The following ELMO1 variants were observed in gnomAD, a reference collection of about 807,000 sequenced individuals.
ELMO1 encodes engulfment and cell motility 1, also known as engulfment and cell motility protein 1.
ELMO1 carries 26 observed loss-of-function variants against 98.9 expected under a neutral mutation model. The observed-to-expected ratio is 0.26, with a 90% CI of 0.19 to 0.36. ELMO1 has a LOEUF of 0.36. Among genes scored for constraint, ELMO1 ranks in the 10% least tolerant of loss-of-function variants. ELMO1 has a pLI of 1.00. For missense variants in ELMO1, 627 were observed against 935.2 expected, an observed-to-expected ratio of 0.67 and a Z score of 4.30; for synonymous variants, 346 against 346.0, an observed-to-expected ratio of 1.00 and a Z score of 0.00.
intron 14 of ELMO1, among the ~76,000 whole-genome samples, chr7:37,117,767 A>T (rs1785702386): frequency 6.6e-6 from 1 of 152,210 alleles, no homozygotes; most frequent in Admixed American, 6.5e-5. Context: ...GAAAAAAGTA[A>T]ATGAATTATG....
intron 16 of ELMO1, among the ~76,000 whole-genome samples, chr7:36,977,792 A>G (rs943318974): frequency 1.3e-4 from 20 of 152,124 alleles, no homozygotes; most frequent in Admixed American, 5.2e-4. Flanking sequence ...TTTTCAAACA[A>G]CTCTTACAAG....
intron 13 of ELMO1, among the ~76,000 whole-genome samples, chr7:37,154,167 C>T (rs765663630): frequency 8.5e-5 from 13 of 152,214 alleles, no homozygotes; most frequent in Non-Finnish European, 1.5e-4. Context: ...AGGTCACCAA[C>T]GTCAAAGACC....
intron 16 of ELMO1, among the ~76,000 whole-genome samples, chr7:36,915,822 T>C (rs893766785): frequency 2.6e-5 from 4 of 152,062 alleles, no homozygotes; most frequent in African/African-American, 9.7e-5. Context: ...AGGTGAGCAT[T>C]GGAAAAGATG....
intron 1 of ELMO1, among the ~76,000 whole-genome samples, chr7:37,364,966 C>T (rs2131338262): frequency 6.6e-6 from 1 of 152,312 alleles, no homozygotes; most frequent in Non-Finnish European, 1.5e-5. Context: ...ACTGTCATAA[C>T]TTGAAAGGTT....
In ELMO1 at chr7:36,870,396, G is replaced by A; in HGVS notation, c.1902C>T (p.Asn634=). The part of the protein sequence containing the change: ...HMKEKGALKQ[N]KEVLELAFSI... ...TGCAATAATTTGGAAATCATACCTT[G>A]TTTTGTTTAAGGGCACCTTTCTCTT... The change falls in exon 20 of 22, where the codon AAC becomes AAT. Residue 634 remains asparagine, a synonymous_variant. Coordinates refer to ENST00000310758, the MANE Select transcript of ELMO1 (RefSeq NM_014800.11). This position sits in a 1 kb window ranked among gnomAD's most constrained non-coding sequence, Gnocchi z 4.4. 1 of 1,614,008 alleles carries A rather than the reference G, an allele frequency of 6.2e-7. No individual in the cohort carries two copies. The highest frequency in any genetic ancestry group is 8.5e-7 in the Non-Finnish European group (1 of 1,179,956).
intron 2 of ELMO1, among the ~76,000 whole-genome samples, chr7:37,325,916 T>C (rs1361404670): frequency 6.6e-6 from 1 of 152,188 alleles, no homozygotes; most frequent in Non-Finnish European, 1.5e-5. Flanking sequence ...TGACATTGTG[T>C]CAATGACACC....
At chr7:37,204,587 G>T (rs950860362) in intron 13 of ELMO1, among the ~76,000 whole-genome samples, 15 of 152,204 alleles carry the variant, frequency 9.9e-5, no homozygotes, top group African/African-American at 3.6e-4. Context: ...GACCCAAAGG[G>T]GTTGCCGCTG....
chr7:37,305,662 T>C (rs549469722), intron 4 of ELMO1, among the ~76,000 whole-genome samples: 3 of 152,330 alleles, frequency 2.0e-5, no homozygotes, highest in East Asian at 1.9e-4. Context: ...ACATCATACA[T>C]AATTTATTAA....
intron 15 of ELMO1, among the ~76,000 whole-genome samples, chr7:37,039,020 G>A (rs1795348027): frequency 6.6e-6 from 1 of 152,108 alleles, no homozygotes; most frequent in African/African-American, 2.4e-5. Context: ...ACATTTGGAG[G>A]GAGGACACAC....
intron 16 of ELMO1, among the ~76,000 whole-genome samples, chr7:36,977,492 T>G (rs114111452): frequency 0.011 from 1,656 of 152,336 alleles, 27 homozygotes; most frequent in African/African-American, 0.038. Context: ...TTCATATCCA[T>G]TGCCATTTAT....
At chr7:36,965,611 T>C (rs1363524051) in intron 16 of ELMO1, among the ~76,000 whole-genome samples, 1 of 152,146 alleles carries the variant, frequency 6.6e-6, no homozygotes, top group African/African-American at 2.4e-5. Flanking sequence ...TGAAAAGCAA[T>C]GATCAACATA....
chr7:37,394,267 A>G (rs1182705207), intron 1 of ELMO1, among the ~76,000 whole-genome samples: 1 of 152,188 alleles, frequency 6.6e-6, no homozygotes. Context: ...TCCAGCACCA[A>G]GGAGCAGCTC....
At chr7:37,175,455 C>G (rs1015776568) in intron 13 of ELMO1, among the ~76,000 whole-genome samples, 1 of 152,142 alleles carries the variant, frequency 6.6e-6, no homozygotes, top group Non-Finnish European at 1.5e-5. Flanking sequence ...GCAGTTGAGA[C>G]GGGCGGCCCA....
chr7:37,097,957 C>T (rs960818118), intron 14 of ELMO1, among the ~76,000 whole-genome samples: 18 of 152,094 alleles, frequency 1.2e-4, no homozygotes, highest in Admixed American at 3.9e-4. Context: ...TGAGATGTTC[C>T]TAACACTCTC....
rs1319160853 is a variant in ELMO1 at position 36,931,599 on chromosome 7, C to CA, written c.1438-36583dup. ...TTGGCAACACAGCGAGACTCCGTCT[C>CA]AAAAAAACAGACCTCAGTTTCATCA... On this transcript the variant is annotated intron_variant, in intron 16 of 21. Coordinates refer to ENST00000310758, the MANE Select transcript of ELMO1 (RefSeq NM_014800.11). 1.1e-4 allele frequency among the ~76,000 whole-genome samples: 16 copies of CA among 152,072 alleles called. 1 individual carries two copies. The highest frequency in any genetic ancestry group is 3.6e-4 in the African/African-American group (15 of 41,402).
chr7:36,878,822 A>C (rs1030968020), intron 18 of ELMO1, among the ~76,000 whole-genome samples: 1 of 152,232 alleles, frequency 6.6e-6, no homozygotes, highest in African/African-American at 2.4e-5. Context: ...TTACTGCCTC[A>C]GTCTCTCAAA....
chr7:37,445,463 T>C (rs557233262), intron 1 of ELMO1, among the ~76,000 whole-genome samples: 29 of 152,300 alleles, frequency 1.9e-4, no homozygotes, highest in African/African-American at 7.0e-4. Flanking sequence ...CTTTAACCCT[T>C]GAGCATTAGG....
chr7:37,001,628 C>T (rs1269192586), intron 16 of ELMO1, among the ~76,000 whole-genome samples: 1 of 152,136 alleles, frequency 6.6e-6, no homozygotes, highest in Non-Finnish European at 1.5e-5. Flanking sequence ...GAGATGGTAA[C>T]TATCTTGCTA....
chr7:37,269,676 C>A (rs1253000227), intron 5 of ELMO1: 1 of 152,166 alleles, frequency 6.6e-6, no homozygotes, highest in Non-Finnish European at 1.5e-5. Flanking sequence ...GATCTCCTGA[C>A]CTGGTGATCC....
Sources: gnomAD v4.1 joint callset for allele counts (sites outside exome capture counted in the v4.1 genomes callset) on GRCh38, gnomAD v4.1.1 for gene constraint, Gnocchi (gnomAD v3.1) non-coding constraint, MANE v1.5 for transcripts, NCBI Gene and HGNC (gene_info 2026-07-23, HGNC 2026-07-21) for gene names.